COX10: variants seen among roughly 807,000 people sequenced by gnomAD.
The protein encoded by COX10 is cytochrome c oxidase assembly factor heme A:farnesyltransferase COX10, also known as protoheme IX farnesyltransferase, mitochondrial.
Under a neutral mutation model 37.3 loss-of-function variants are expected in COX10, and 27 were observed. That is an observed-to-expected ratio of 0.72 (90% CI 0.53 to 1.00). The LOEUF (loss-of-function observed/expected upper bound fraction) is 1.00. Ranked by LOEUF, COX10 falls within the 50% of genes least tolerant of loss-of-function variation. The pLI, the probability that COX10 is intolerant of heterozygous loss-of-function variation, is 0.00. For synonymous variants in COX10, 222 were observed against 229.1 expected (o/e 0.97, Z 0.28); for missense variants, 475 against 563.2 (o/e 0.84, Z 1.59).
At chr17:14,077,648 C>A (rs1215761203) in intron 3 of COX10, among the ~76,000 whole-genome samples, 1 of 152,238 alleles carries the variant, frequency 6.6e-6, no homozygotes, top group Non-Finnish European at 1.5e-5. Flanking sequence ...GTAAGTCAGA[C>A]AGAGCATTAT....
intron 4 of COX10, among the ~76,000 whole-genome samples, chr17:14,153,782 C>T (rs946447470): frequency 6.6e-6 from 1 of 152,198 alleles, no homozygotes; most frequent in Non-Finnish European, 1.5e-5. Context: ...CATACAAAGA[C>T]TTGCACACAG....
rs182145594 is a variant in COX10 at position 14,145,515 on chromosome 17, C to T, written c.625-14362C>T. Among the ~76,000 whole-genome samples the T allele has an allele frequency of 1.6e-3, 250 of 151,856 alleles. 2 individuals are homozygous for T. The highest frequency in any genetic ancestry group is 5.7e-3 in the African/African-American group (235 of 41,398). On this transcript the variant is annotated intron_variant, in intron 4 of 6. Transcript: ENST00000261643. ...TGAAAGCATGTTTTCCTTGAGAAAC[C>T]GAAGGTAGCTCAGAATGCTTAGAGT...
chr17:14,193,707 A>G (rs200933717), intron 6 of COX10, among the ~76,000 whole-genome samples: 32,905 of 146,326 alleles, frequency 0.22, 3,944 homozygotes, highest in Admixed American at 0.32. Flanking sequence ...GCACACCTGC[A>G]CACCACCAGC....
intron 5 of COX10, among the ~76,000 whole-genome samples, chr17:14,161,344 A>G (rs568499469): frequency 2.6e-5 from 4 of 152,326 alleles, no homozygotes; most frequent in Non-Finnish European, 4.4e-5. Context: ...GAAAATTCCA[A>G]TCACAGGATA....
At chr17:14,100,713 A>T (rs1478691472) in intron 3 of COX10, among the ~76,000 whole-genome samples, 1 of 152,240 alleles carries the variant, frequency 6.6e-6, no homozygotes, top group Non-Finnish European at 1.5e-5. Context: ...CAGGTATAGC[A>T]TCAAAGAATT....
Position 14,186,533 on chromosome 17 carries a change from G to A in COX10, c.696-5456G>A, listed in dbSNP as rs571117529. Among the ~76,000 whole-genome samples, 71 of 151,774 alleles carry A rather than the reference G, an allele frequency of 4.7e-4. No individual in the cohort carries two copies. The South Asian group carries it at 0.01, about 22-fold the overall frequency. On this transcript the variant is annotated intron_variant, in intron 5 of 6. Coordinates refer to ENST00000261643, the MANE Select transcript of COX10 (RefSeq NM_001303.4). ...TAGGTTAGGTGCCCCTGACTGCCCC[G>A]TGTTCCCTGCTGTGCCACACATGCT... is the stretch of plus-strand genomic sequence containing the variant.
At chr17:14,151,708 C>G (rs895432127) in intron 4 of COX10, among the ~76,000 whole-genome samples, 2 of 152,040 alleles carry the variant, frequency 1.3e-5, no homozygotes, top group South Asian at 4.1e-4. Context: ...GTACATATAT[C>G]AAGTCATGAG....
intron 3 of COX10, among the ~76,000 whole-genome samples, chr17:14,095,962 A>T (rs530114344): frequency 2.6e-5 from 4 of 152,304 alleles, no homozygotes; most frequent in Admixed American, 2.6e-4. Context: ...TAGGTAATTT[A>T]TAAAGAAAAG....
At chr17:14,140,799 G>A (rs145524902) in intron 4 of COX10, among the ~76,000 whole-genome samples, 163 of 152,084 alleles carry the variant, frequency 1.1e-3, no homozygotes, top group African/African-American at 3.8e-3. Context: ...TCATTTAATT[G>A]CAACGTTATG....
In COX10 at chr17:14,096,369, TTTTTTTTTC is replaced by T. The variant is rs1206828373; in HGVS notation, c.500-5740_500-5732del. On this transcript the variant is annotated intron_variant, in intron 3 of 6. Transcript: ENST00000261643. ...AAATTTTTAAATGTAGGTGTGTTTT[TTTTTTTTTC>T]TTTTTTTTTTTTTTTTGAGCTGGCC... 8.0e-4 allele frequency among the ~76,000 whole-genome samples: 85 copies of T among 106,530 alleles called. 1 individual carries two copies. The highest frequency in any genetic ancestry group is 2.9e-3 in the African/African-American group (82 of 27,996). 69.9% of individuals were successfully genotyped at this position (106,530 alleles called of 152,430 possible).
At chr17:14,119,807 T>G (rs1053651913) in intron 4 of COX10, among the ~76,000 whole-genome samples, 14 of 147,768 alleles carry the variant, frequency 9.5e-5, no homozygotes, top group African/African-American at 3.5e-4. Flanking sequence ...GCTCAGACCA[T>G]GAATAGTCTT....
chr17:14,114,606 G>T (rs1004124248), intron 4 of COX10, among the ~76,000 whole-genome samples: 2 of 152,042 alleles, frequency 1.3e-5, no homozygotes, highest in South Asian at 4.1e-4. Flanking sequence ...CATTAACACC[G>T]TAATCCTCTG....
intron 4 of COX10, among the ~76,000 whole-genome samples, chr17:14,104,650 TTTA>T (rs1915853106): frequency 1.3e-5 from 2 of 152,242 alleles, no homozygotes; most frequent in South Asian, 2.1e-4. Flanking sequence ...ATATTTTGTA[TTTA>T]TTAATATTTT....
At chr17:14,095,644 C>T (rs1180943640) in intron 3 of COX10, among the ~76,000 whole-genome samples, 1 of 152,210 alleles carries the variant, frequency 6.6e-6, no homozygotes, top group Non-Finnish European at 1.5e-5. Flanking sequence ...TGTGTCTAGA[C>T]ACCCTGCTCA....
chr17:14,145,889 C>G (rs1197511104), intron 4 of COX10, among the ~76,000 whole-genome samples: 1 of 152,070 alleles, frequency 6.6e-6, no homozygotes, highest in Non-Finnish European at 1.5e-5. Context: ...TATTTTGGAT[C>G]AACATTTTGC....
At chr17:14,187,350 A>G (rs1205385103) in intron 5 of COX10, among the ~76,000 whole-genome samples, 1 of 152,240 alleles carries the variant, frequency 6.6e-6, no homozygotes, top group Non-Finnish European at 1.5e-5. Context: ...GAAAAAAAGT[A>G]TATTGGTTGA....
At chr17:14,160,090 A>G (rs947781568) in intron 5 of COX10, 143 bp downstream of exon 5, 1 of 763,684 alleles carries the variant, frequency 1.3e-6, no homozygotes, top group South Asian at 1.6e-5. Context: ...GAAATGCAAT[A>G]CTTTCCACCT....
chr17:14,174,547 A>G (rs1905596829), intron 5 of COX10, among the ~76,000 whole-genome samples: 1 of 152,166 alleles, frequency 6.6e-6, no homozygotes, highest in Non-Finnish European at 1.5e-5. Flanking sequence ...AAGATTTTCA[A>G]CGTCAGTAAT....
chr17:14,110,625 T>G (rs895987855), intron 4 of COX10, among the ~76,000 whole-genome samples: 2 of 152,062 alleles, frequency 1.3e-5, no homozygotes, highest in Non-Finnish European at 2.9e-5. Context: ...CTTTCTTTTC[T>G]TTTTTTAATC....
Sources: allele counts gnomAD v4.1 joint callset (sites outside exome capture counted in the v4.1 genomes callset), GRCh38; gene constraint gnomAD v4.1.1; transcripts MANE v1.5; gene names NCBI Gene and HGNC (gene_info 2026-07-23, HGNC 2026-07-21).